Variants in NPS observed in about 807,000 individuals in gnomAD.
NPS encodes the protein prepro-neuropeptide S.
NPS carries 6 observed loss-of-function variants against 7.2 expected under a neutral mutation model. The ratio of observed to expected loss-of-function variants is 0.83; its 90% CI spans 0.46 to 1.64. NPS has a LOEUF of 1.64. Ranked by LOEUF, NPS falls within the 40% of genes most tolerant of loss-of-function variation. The probability of loss-of-function intolerance (pLI) is 0.01; values close to 1 mark genes in which losing one functional copy is unlikely to be tolerated. For missense variants in NPS, 123 were observed against 97.8 expected, an observed-to-expected ratio of 1.26 and a Z score of -1.09; for synonymous variants, 42 against 36.7, an observed-to-expected ratio of 1.14 and a Z score of -0.52.
intron 2 of NPS, among the ~76,000 whole-genome samples, chr10:127,551,072 A>G (rs1844853930): frequency 6.6e-6 from 1 of 152,122 alleles, no homozygotes; most frequent in Non-Finnish European, 1.5e-5. Context: ...TCCTGCAATG[A>G]CTCAGAGGCC....
intron 2 of NPS, among the ~76,000 whole-genome samples, chr10:127,550,873 C>T (rs61872216): frequency 0.06 from 9,064 of 152,248 alleles, 382 homozygotes; most frequent in Middle Eastern, 0.12. Context: ...AGTCCATTAA[C>T]CAGGCAAATA....
intron 2 of NPS, among the ~76,000 whole-genome samples, chr10:127,549,918 A>G (rs1012317988): frequency 2.6e-5 from 4 of 152,220 alleles, no homozygotes; most frequent in African/African-American, 9.6e-5. Flanking sequence ...ACTATATTAA[A>G]AATAAAGTGG....
intron 2 of NPS, among the ~76,000 whole-genome samples, chr10:127,551,274 T>C (rs997127164): frequency 1.2e-4 from 19 of 152,104 alleles, no homozygotes; most frequent in South Asian, 2.1e-4. Context: ...CCATTTTTTT[T>C]CCCCAGAGGC....
At chr10:127,551,394 T>C (rs1844857666) in intron 2 of NPS, among the ~76,000 whole-genome samples, 2 of 152,052 alleles carry the variant, frequency 1.3e-5, no homozygotes, top group African/African-American at 2.4e-5. Flanking sequence ...TCGACTTCCA[T>C]ACAGTAACCT....
At chr10:127,552,318 T>C (rs925143821) in intron 2 of NPS, 142 bp from the exon 3 acceptor site, 1 of 637,156 alleles carries the variant, frequency 1.6e-6, no homozygotes, top group Non-Finnish European at 2.8e-6. Context: ...AAAGTAGATA[T>C]TGTGTTTTAG....
chr10:127,552,421 G>T, intron 2 of NPS, 39 bp from the exon 3 acceptor site: 3 of 1,186,276 alleles, frequency 2.5e-6, no homozygotes, highest in Admixed American at 3.8e-5. Flanking sequence ...TTAACCCTAA[G>T]GCTGTATTCT....
intron 2 of NPS, among the ~76,000 whole-genome samples, chr10:127,550,462 A>G (rs1443387692): frequency 1.3e-5 from 2 of 152,076 alleles, no homozygotes; most frequent in Non-Finnish European, 2.9e-5. Flanking sequence ...TTAGTCATCA[A>G]TTCTATAAGA....
Position 127,549,350 on chromosome 10 carries a change from A to G in NPS, c.-19A>G, listed in dbSNP as rs1486880480. 1 of 1,602,706 alleles carries G rather than the reference A, an allele frequency of 6.2e-7. No homozygotes were observed. On this transcript the variant is annotated 5_prime_UTR_variant, in exon 1 of 3. Transcript: ENST00000398023. ...TGGCAATAAAACCACCTATCTTTAC[A>G]GATTTTGGGAAGTCCAAAATGATTA...
At position 127,552,468 on chromosome 10, in the gene NPS, A is replaced by G. The variant is rs781119527; in HGVS notation, c.99A>G (p.Gly33=). The G allele has an allele frequency of 1.2e-6, 2 of 1,602,760 alleles. No individual in the cohort carries two copies. Among genetic ancestry groups the G allele is most frequent in the Non-Finnish European group, 1.7e-6 (2 of 1,170,756 alleles). Residue 33 remains glycine, a synonymous_variant, in exon 3 of 3, where the codon GGA becomes GGG. Coordinates refer to ENST00000398023, the MANE Select transcript of NPS (RefSeq NM_001030013.2). ...CYPVPSSKVS[G]KSDYFLILLN... ...CCCATCTGAATTGCCAGGTGTCTGG[A>G]AAATCTGATTACTTTCTCATTCTGC...
intron 2 of NPS, among the ~76,000 whole-genome samples, chr10:127,550,496 G>T (rs1272256306): frequency 1.3e-5 from 2 of 152,070 alleles, no homozygotes; most frequent in Non-Finnish European, 2.9e-5. Flanking sequence ...AAGCTGATGA[G>T]TCACAATCCA....
intron 2 of NPS, among the ~76,000 whole-genome samples, chr10:127,552,073 A>G (rs1221934160): frequency 6.6e-6 from 1 of 152,220 alleles, no homozygotes. Flanking sequence ...CCCAGGAGAA[A>G]AGTGGTTCTG....
chr10:127,552,480 CT>C lies in NPS; in HGVS notation c.114del (p.Leu39SerfsTer4). The C allele has an allele frequency of 6.2e-7, 1 of 1,608,850 alleles. No homozygotes were observed. ...GCCAGGTGTCTGGAAAATCTGATTA[CT>C]TTCTCATTCTGCTGAACAGCTGCCC... Reference protein sequence around the residue: ...SSKVSGKSDYFLILLNSCPTR... With the variant: ...SSKVSGKSDYXLILLNSCPTR... On this transcript the variant is annotated frameshift_variant, in exon 3 of 3. Transcript: ENST00000398023. LOFTEE classifies it high-confidence loss of function.
At chr10:127,549,851 AATTT>A (rs1234344906) in intron 2 of NPS, among the ~76,000 whole-genome samples, 1 of 152,196 alleles carries the variant, frequency 6.6e-6, no homozygotes, top group African/African-American at 2.4e-5. Context: ...TGCCAATGGC[AATTT>A]ATTTATTCCA....
At position 127,552,795 on chromosome 10, in the gene NPS, GA is replaced by G. The variant is rs200686822; in HGVS notation, c.*164del. 2.0e-5 allele frequency among the ~76,000 whole-genome samples: 3 copies of G among 149,966 alleles called. No homozygotes were observed. The highest frequency in any genetic ancestry group is 4.5e-5 in the Non-Finnish European group (3 of 67,068). Reference sequence around the variant, plus strand: ...GTACAGAGTAAATTGAGTAAAAAAAGAAAAAAAATGTAAACATGTCTCAAAC... The same window carrying G: ...GTACAGAGTAAATTGAGTAAAAAAAGAAAAAAATGTAAACATGTCTCAAAC... On this transcript the variant is annotated 3_prime_UTR_variant, in exon 3 of 3. Transcript: ENST00000398023.
intron 2 of NPS, among the ~76,000 whole-genome samples, chr10:127,552,003 C>T (rs1288598898): frequency 6.6e-6 from 1 of 152,198 alleles, no homozygotes; most frequent in Non-Finnish European, 1.5e-5. Context: ...GTTGAAGATG[C>T]CATTGTTCAA....
Position 127,552,549 on chromosome 10 carries a change from A to G in NPS, c.180A>G (p.Pro60=). Residue 60 remains proline, a synonymous_variant, in exon 3 of 3, where the codon CCA becomes CCG. Coordinates refer to ENST00000398023, the MANE Select transcript of NPS (RefSeq NM_001030013.2). ...GCAAAGAACTAGCTTTTCTAAAGCC[A>G]ATTTTGGAGAAGATGTTTGTGAAAA... ...DRSKELAFLK[P]ILEKMFVKRS... 6.2e-7 allele frequency: 1 copy of G among 1,613,192 alleles called. No homozygotes were observed. Among genetic ancestry groups the G allele is most frequent in the East Asian group, 2.2e-5 (1 of 44,856 alleles).
At chr10:127,552,251 T>C (rs1011124950) in intron 2 of NPS, among the ~76,000 whole-genome samples, 1 of 152,204 alleles carries the variant, frequency 6.6e-6, no homozygotes, top group Non-Finnish European at 1.5e-5. Flanking sequence ...AGTATATAAG[T>C]AGTGTAAAAA....
At chr10:127,550,822 C>T (rs566786612) in intron 2 of NPS, among the ~76,000 whole-genome samples, 1 of 152,250 alleles carries the variant, frequency 6.6e-6, no homozygotes, top group African/African-American at 2.4e-5. Flanking sequence ...TGCAGGCAGA[C>T]GACACATAGG....
rs182513552 is a variant in NPS, at chr10:127,552,398, T to C, written c.91-62T>C. The C allele has an allele frequency of 4.3e-6, 4 of 921,664 alleles. No individual in the cohort carries two copies. In the Admixed American group the frequency reaches 9.6e-5, roughly 22 times the overall value. 57.1% of individuals were successfully genotyped at this position (921,664 alleles called of 1,614,324 possible). On this transcript the variant is annotated intron_variant, in intron 2 of 2. Coordinates refer to ENST00000398023, the MANE Select transcript of NPS (RefSeq NM_001030013.2). ...CATACGATTTTGAAAATTGTTACTG[T>C]TGAAATATACTTTTAACCCTAAGGC...
Sources: gnomAD v4.1 joint callset for allele counts (sites outside exome capture counted in the v4.1 genomes callset) on GRCh38, gnomAD v4.1.1 for gene constraint, MANE v1.5 for transcripts, NCBI Gene and HGNC (gene_info 2026-07-23, HGNC 2026-07-21) for gene names.